Variants in PAK4 observed in about 807,000 individuals in gnomAD.
The protein encoded by PAK4 is p21 (RAC1) activated kinase 4, also known as serine/threonine-protein kinase PAK 4.
Under a neutral mutation model 53.5 loss-of-function variants are expected in PAK4, and 49 were observed. The ratio of observed to expected loss-of-function variants is 0.92; its 90% CI spans 0.73 to 1.16. The LOEUF (loss-of-function observed/expected upper bound fraction) is 1.16, where lower values mean the gene tolerates loss of function less well. PAK4 is among the 50% of genes most tolerant of loss of function. The pLI is 0.00. For synonymous variants in PAK4, 376 were observed against 375.6 expected (o/e 1.00, Z -0.01); for missense variants, 824 against 850.7 (o/e 0.97, Z 0.39).
intron 2 of PAK4, 119 bp from the exon 4 acceptor site, chr19:39,172,799 C>T: frequency 1.2e-6 from 1 of 859,876 alleles, no homozygotes; most frequent in Non-Finnish European, 1.8e-6. Context: ...GGCATCTCTT[C>T]ATTGCGTCTC....
chr19:39,171,215 T>G (rs1371347750), intron 2 of PAK4, among the ~76,000 whole-genome samples: 9 of 151,530 alleles, frequency 5.9e-5, no homozygotes, highest in African/African-American at 7.3e-5. Flanking sequence ...TTGGTTTTTT[T>G]TTTTTTTTTT....
Position 39,174,072 on chromosome 19 carries a change from C to CCCCTCCT in PAK4, c.1098+71_1098+77dup, listed in dbSNP as rs1382860657. On this transcript the variant is annotated intron_variant, in intron 4 of 8. Transcript: ENST00000358301. ...CCCACCCCTCCCTCCCACCCTCCCT[C>CCCCTCCT]CCCTCCTCCCTCCTCTCCCTGCACT... 1.7e-5 allele frequency: 18 copies of CCCCTCCT among 1,039,830 alleles called. 1 individual carries two copies. Among genetic ancestry groups the CCCCTCCT allele is most frequent in the South Asian group, 1.5e-4 (10 of 65,156 alleles). The allele number at this position is 1,039,830 out of a possible 1,614,324, so 64.4% of individuals were successfully genotyped here. A position where few individuals can be genotyped will look rare whatever the true frequency, so the allele number is the denominator to read the frequency against.
chr19:39,145,261 G>A (rs1017858280), intron 1 of PAK4, among the ~76,000 whole-genome samples: 3 of 152,068 alleles, frequency 2.0e-5, no homozygotes, highest in Non-Finnish European at 4.4e-5. Context: ...CCCAGGCGTC[G>A]CTGGCCCTGC....
chr19:39,130,161 T>TGTG (rs2073676411), intron 1 of PAK4, among the ~76,000 whole-genome samples: 1 of 56,134 alleles, frequency 1.8e-5, no homozygotes, highest in South Asian at 5.9e-4. Context: ...CAGGGTGGGG[T>TGTG]GGTGGGACCC....
rs2074292263 is a variant in PAK4 at position 39,161,982 on chromosome 19, G to A, written c.-22-7550G>A. Among the ~76,000 whole-genome samples, 1 of 151,994 alleles carries A rather than the reference G, an allele frequency of 6.6e-6. No individual in the cohort carries two copies. The highest frequency in any genetic ancestry group is 1.5e-5 in the Non-Finnish European group (1 of 68,018). ...TAGTTATTATTATTATTTTGAGATG[G>A]AGTCTCACACTCTGTCGCCCAGGCT... On this transcript the variant is annotated intron_variant, in intron 1 of 8. Coordinates refer to ENST00000358301, the Ensembl canonical transcript of PAK4. The surrounding 1 kb of genome is among the most constrained non-coding windows in gnomAD (Gnocchi z 4.5).
rs760167223 is a variant in PAK4, at chr19:39,173,647, C to T, written c.735C>T (p.Ser245=). The T allele has an allele frequency of 1.9e-6, 3 of 1,575,382 alleles. No homozygotes were observed. The African/African-American group carries it at 4.1e-5, about 21-fold the overall frequency. Residue 245 remains serine (S), a synonymous_variant, in exon 4 of 9, where the codon TCC becomes TCT. Transcript: ENST00000358301. This position sits in a 1 kb window ranked among gnomAD's most constrained non-coding sequence, Gnocchi z 6.9. ...TGGCCATCCCCCAGTCCTCCTCCTC[C>T]TCCTCCCGGCCTCCCACCCGAGCCC...
chr19:39,175,375 C>T lies in PAK4; in HGVS notation c.1296C>T (p.His432=), dbSNP rs371674508. ...TGCTGCAGGCCCTGTCGGTGCTCCA[C>T]GCCCAGGGCGTCATCCACCGGGACA... Residue 432 remains histidine (H), a synonymous_variant, in exon 6 of 9, where the codon CAC becomes CAT. Transcript: ENST00000358301. The surrounding 1 kb of genome is among the most constrained non-coding windows in gnomAD (Gnocchi z 4.7). 6.8e-6 allele frequency: 11 copies of T among 1,608,886 alleles called. No homozygotes were observed. Among genetic ancestry groups the T allele is most frequent in the Middle Eastern group, 3.3e-4 (2 of 6,078 alleles).
At chr19:39,131,905 CAGGGCTGTGGG>C (rs991935873) in intron 1 of PAK4, among the ~76,000 whole-genome samples, 2 of 152,222 alleles carry the variant, frequency 1.3e-5, no homozygotes, top group Non-Finnish European at 2.9e-5. Flanking sequence ...GGCCACCTCT[CAGGGCTGTGGG>C]AGGGCGGAAG....
intron 1 of PAK4, among the ~76,000 whole-genome samples, chr19:39,137,588 T>G (rs1207576124): frequency 6.6e-6 from 1 of 152,118 alleles, no homozygotes; most frequent in Non-Finnish European, 1.5e-5. Context: ...GATGTGTTTT[T>G]CTGGTAGCCA....
At chr19:39,131,066 C>T (rs773767047) in intron 1 of PAK4, among the ~76,000 whole-genome samples, 2 of 152,104 alleles carry the variant, frequency 1.3e-5, no homozygotes, top group Non-Finnish European at 2.9e-5. Context: ...CTAGTATCAT[C>T]CTCACTCTAG....
At chr19:39,167,732 T>C (rs1446188221) in intron 1 of PAK4, among the ~76,000 whole-genome samples, 2 of 151,746 alleles carry the variant, frequency 1.3e-5, no homozygotes, top group East Asian at 2.0e-4. Context: ...CCTGGCTGGC[T>C]CCCATGGATG....
chr19:39,144,978 A>G (rs1412067825), intron 1 of PAK4, among the ~76,000 whole-genome samples: 1 of 152,220 alleles, frequency 6.6e-6, no homozygotes, highest in African/African-American at 2.4e-5. Context: ...ATGAATAATT[A>G]TAAAGCAAAC....
intron 1 of PAK4, among the ~76,000 whole-genome samples, chr19:39,146,064 C>A (rs2145167802): frequency 6.6e-6 from 1 of 152,350 alleles, no homozygotes; most frequent in Admixed American, 6.5e-5. Context: ...TGTGTGGAAG[C>A]CTCTTAATGA....
chr19:39,145,724 GAGGAGGGCATAGATCAGCAGCTGGGGC>G (rs1355273231), intron 1 of PAK4, among the ~76,000 whole-genome samples: 5 of 152,168 alleles, frequency 3.3e-5, no homozygotes, highest in African/African-American at 7.2e-5. Context: ...GCCTTCTCTG[GAGGAGGGCATAGATCAGCAGCTGGGGC>G]AGGAGGGCCT....
In PAK4 at chr19:39,148,466, CT is replaced by C. The variant is rs74176491; in HGVS notation, c.-22-21045del. On this transcript the variant is annotated intron_variant, in intron 1 of 8. Coordinates refer to ENST00000358301, the Ensembl canonical transcript of PAK4. ...TTAGGTACCAAATAAGTTTCTTCTGCTTTTTTTTTTTTTTTTTTTTTGAGAG... is the reference window on the plus strand; with the variant it reads ...TTAGGTACCAAATAAGTTTCTTCTGCTTTTTTTTTTTTTTTTTTTTGAGAG... 3.0e-4 allele frequency among the ~76,000 whole-genome samples: 17 copies of C among 56,792 alleles called. 2 individuals carry two copies. The highest frequency in any genetic ancestry group is 6.8e-4 in the Admixed American group (2 of 2,958). The allele number at this position is 56,792 out of a possible 152,430, so 37.3% of individuals were successfully genotyped here. A position where few individuals can be genotyped will look rare whatever the true frequency, so the allele number is the denominator to read the frequency against.
At chr19:39,136,666 T>C (rs907285110) in intron 1 of PAK4, among the ~76,000 whole-genome samples, 14 of 152,318 alleles carry the variant, frequency 9.2e-5, no homozygotes, top group African/African-American at 3.4e-4. Flanking sequence ...CCTCAGGGCA[T>C]GGGGGTAGGG....
In PAK4 at chr19:39,175,296, C is replaced by T. The variant is rs1260939393; in HGVS notation, c.1233-16C>T. 2 of 1,563,210 alleles carry T rather than the reference C, an allele frequency of 1.3e-6. No individual in the cohort carries two copies. The highest frequency in any genetic ancestry group is 1.7e-6 in the Non-Finnish European group (2 of 1,152,456). ...TGCTGTCCAGCTGGCTGCTCACCCC[C>T]CACCCCACCCCGCAGGATGAACGAG... is the stretch of plus-strand genomic sequence containing the variant. On this transcript the variant is annotated splice_polypyrimidine_tract_variant and intron_variant, in intron 5 of 8. Transcript: ENST00000358301. The surrounding 1 kb of genome is among the most constrained non-coding windows in gnomAD (Gnocchi z 4.7).
intron 1 of PAK4, among the ~76,000 whole-genome samples, chr19:39,154,554 C>T (rs1158113015): frequency 6.6e-6 from 1 of 152,174 alleles, no homozygotes; most frequent in Non-Finnish European, 1.5e-5. Context: ...AACCGTGTGC[C>T]TGTATTACAA....
At chr19:39,126,474 T>G (rs1180891253) in intron 1 of PAK4, among the ~76,000 whole-genome samples, 1 of 141,780 alleles carries the variant, frequency 7.1e-6, no homozygotes, top group Non-Finnish European at 1.5e-5. Flanking sequence ...GGGTCAGAGA[T>G]GCTTCCTGGT....
Sources: allele counts gnomAD v4.1 joint callset (sites outside exome capture counted in the v4.1 genomes callset), GRCh38; gene constraint gnomAD v4.1.1; non-coding constraint Gnocchi (gnomAD v3.1); transcripts MANE v1.5; gene names NCBI Gene and HGNC (gene_info 2026-07-23, HGNC 2026-07-21).